The following TSPEAR variants were observed in gnomAD, a reference collection of about 807,000 sequenced individuals.
TSPEAR encodes the protein thrombospondin type laminin G domain and EAR repeats, also known as thrombospondin-type laminin G domain and EAR repeat-containing protein.
TSPEAR carries 69 observed loss-of-function variants against 71.6 expected under a neutral mutation model. The observed-to-expected ratio is 0.96, with a 90% CI of 0.79 to 1.18. The LOEUF (loss-of-function observed/expected upper bound fraction) is 1.18. Among genes scored for constraint, TSPEAR ranks in the 50% most tolerant of loss-of-function variants. The pLI, the probability that TSPEAR is intolerant of heterozygous loss-of-function variation, is 0.00. For missense variants in TSPEAR, 971 were observed against 894.9 expected (o/e 1.09, Z -1.09); for synonymous variants, 402 against 387.2 (o/e 1.04, Z -0.45).
intron 1 of TSPEAR, chr21:44,654,748 C>T: frequency 1.6e-6 from 1 of 619,616 alleles, no homozygotes; most frequent in Non-Finnish European, 2.9e-6. Context: ...GGTGGTTTTT[C>T]CTCCTCTGCC....
At chr21:44,706,717 G>T (rs1555952456) in intron 1 of TSPEAR, among the ~76,000 whole-genome samples, 1 of 152,216 alleles carries the variant, frequency 6.6e-6, no homozygotes, top group East Asian at 1.9e-4. Context: ...TGGGACGGGG[G>T]CAGGGAGGGG....
At position 44,527,259 on chromosome 21, in the gene TSPEAR, G is replaced by A. The variant is rs781916131; in HGVS notation, c.1149+33C>T. 2.5e-6 allele frequency: 4 copies of A among 1,611,206 alleles called. No individual in the cohort carries two copies. The African/African-American group carries it at 4.0e-5, about 16-fold the overall frequency. On this transcript the variant is annotated intron_variant, in intron 7 of 11. Transcript: ENST00000323084. ...TGGACTCGGGGCTTTCCAAGAGAAA[G>A]GGGATGGAGAAAGTCACCGAACACA...
intron 2 of TSPEAR, among the ~76,000 whole-genome samples, chr21:44,567,084 T>C (rs180837077): frequency 2.5e-4 from 38 of 152,206 alleles, no homozygotes; most frequent in African/African-American, 8.7e-4. Context: ...ACCCACAGAA[T>C]GGGAGCAAAT....
chr21:44,627,476 C>T, intron 1 of TSPEAR: 1 of 1,543,338 alleles, frequency 6.5e-7, no homozygotes, highest in Non-Finnish European at 8.7e-7. Context: ...TGCTGCGTGC[C>T]CGTCTGCTGC....
At chr21:44,566,630 T>TA (rs1555921766) in intron 2 of TSPEAR, among the ~76,000 whole-genome samples, 1 of 152,126 alleles carries the variant, frequency 6.6e-6, no homozygotes, top group African/African-American at 2.4e-5. Context: ...GTTACTACAG[T>TA]AACCAAGACT....
At chr21:44,648,872 G>A (rs73909214) in intron 1 of TSPEAR, among the ~76,000 whole-genome samples, 2,505 of 152,340 alleles carry the variant, frequency 0.016, 75 homozygotes, top group African/African-American at 0.058. Flanking sequence ...AAGCCCACGC[G>A]GTCAAGCTGC....
intron 2 of TSPEAR, 52 bp from the exon 3 acceptor site, chr21:44,533,975 C>T (rs587664800): frequency 1.5e-4 from 180 of 1,197,638 alleles, no homozygotes; most frequent in Middle Eastern, 2.4e-4. Flanking sequence ...GGGTCGGGTG[C>T]GGGGGCAGGG....
chr21:44,570,824 T>C (rs113485348), intron 1 of TSPEAR, among the ~76,000 whole-genome samples: 17 of 152,118 alleles, frequency 1.1e-4, no homozygotes, highest in African/African-American at 4.1e-4. Context: ...TGCTAAACAA[T>C]TGTCAGAAAT....
chr21:44,594,482 A>G (rs1980224990), intron 1 of TSPEAR, among the ~76,000 whole-genome samples: 1 of 152,208 alleles, frequency 6.6e-6, no homozygotes, highest in Non-Finnish European at 1.5e-5. Flanking sequence ...CAAGACCGAC[A>G]TTAAAGTCTC....
intron 2 of TSPEAR, among the ~76,000 whole-genome samples, chr21:44,565,823 A>G (rs1373069335): frequency 2.0e-5 from 3 of 152,250 alleles, no homozygotes; most frequent in Admixed American, 6.5e-5. Context: ...CTATTCACAG[A>G]TGATATAATC....
intron 2 of TSPEAR, among the ~76,000 whole-genome samples, chr21:44,554,645 G>C (rs432807): frequency 6.6e-6 from 1 of 152,046 alleles, no homozygotes; most frequent in East Asian, 1.9e-4. Flanking sequence ...ATGCTAGTGT[G>C]AGAGGCCGCT....
chr21:44,681,849 G>T, intron 1 of TSPEAR: 1 of 1,611,850 alleles, frequency 6.2e-7, no homozygotes, highest in Non-Finnish European at 8.5e-7. Flanking sequence ...GCAGGAAGGG[G>T]TGCTGCAGGA....
chr21:44,537,964 G>C (rs1455891146), intron 2 of TSPEAR, among the ~76,000 whole-genome samples: 5 of 152,202 alleles, frequency 3.3e-5, no homozygotes, highest in South Asian at 4.1e-4. Flanking sequence ...GGGTCACGCG[G>C]GGTCCCCCAG....
chr21:44,649,487 C>T (rs891745815), intron 1 of TSPEAR, among the ~76,000 whole-genome samples: 4 of 152,150 alleles, frequency 2.6e-5, no homozygotes, highest in Admixed American at 2.6e-4. Flanking sequence ...GCCAACAGCC[C>T]CCTTCTACTG....
In TSPEAR at chr21:44,504,760, C is replaced by T. The variant is rs376731716; in HGVS notation, c.1856+20G>A. 23 of 1,594,350 alleles carry T rather than the reference C, an allele frequency of 1.4e-5. No homozygotes were observed. Among genetic ancestry groups the T allele is most frequent in the African/African-American group, 6.7e-5 (5 of 74,428 alleles). On this transcript the variant is annotated intron_variant, in intron 11 of 11. Transcript: ENST00000323084. ...GGGAAGCAAGGCTCTGGGAGGAGGC[C>T]GGCCTCGGCAGCTCATTACCTGTAA...
chr21:44,595,596 C>T (rs1555927518), intron 1 of TSPEAR, among the ~76,000 whole-genome samples: 1 of 152,216 alleles, frequency 6.6e-6, no homozygotes, highest in East Asian at 1.9e-4. Context: ...CACCCAGCAG[C>T]ACAGCAGCAC....
intron 1 of TSPEAR, among the ~76,000 whole-genome samples, chr21:44,679,204 G>T (rs1213833350): frequency 2.0e-5 from 3 of 152,146 alleles, no homozygotes; most frequent in African/African-American, 7.2e-5. Context: ...TGAGAAACTG[G>T]ATTTGTCAGC....
Position 44,689,712 on chromosome 21 carries a change from A to AATGAATAT in TSPEAR, c.82+21720_82+21721insATATTCAT, listed in dbSNP as rs781858508. Among the ~76,000 whole-genome samples the AATGAATAT allele has an allele frequency of 1.4e-3, 85 of 62,046 alleles. 6 individuals carry two copies. The highest frequency in any genetic ancestry group is 0.01 in the South Asian group (16 of 1,532). 40.7% of individuals were successfully genotyped at this position (62,046 alleles called of 152,430 possible). A position where few individuals can be genotyped will look rare whatever the true frequency, so the allele number is the denominator to read the frequency against. On this transcript the variant is annotated intron_variant, in intron 1 of 11. Coordinates refer to ENST00000323084, the MANE Select transcript of TSPEAR (RefSeq NM_144991.3). Reference sequence around the variant, plus strand: ...TCCCTTAGAGGGACAGAATAGAATGAATATATATATATATATATATATATA... The same window carrying AATGAATAT: ...TCCCTTAGAGGGACAGAATAGAATGAATGAATATATATATATATATATATATATATATA...
intron 1 of TSPEAR, chr21:44,647,328 C>T (rs1478568228): frequency 1.2e-6 from 2 of 1,613,760 alleles, no homozygotes; most frequent in Admixed American, 1.7e-5. Flanking sequence ...GCTACAGCCT[C>T]TGCTCAGGCA....
Sources: gnomAD v4.1 joint callset for allele counts (sites outside exome capture counted in the v4.1 genomes callset) on GRCh38, gnomAD v4.1.1 for gene constraint, MANE v1.5 for transcripts, NCBI Gene and HGNC (gene_info 2026-07-23, HGNC 2026-07-21) for gene names.